Variants in DNAJB5 observed in about 807,000 individuals in gnomAD.
DNAJB5 encodes dnaJ homolog subfamily B member 5.
In DNAJB5, 12 loss-of-function variants were observed where a neutral mutation model predicts 32.6. That is an observed-to-expected ratio of 0.37 (90% CI 0.24 to 0.60). The LOEUF (loss-of-function observed/expected upper bound fraction) is 0.60, where lower values mean the gene tolerates loss of function less well. Among genes scored for constraint, DNAJB5 ranks in the 20% least tolerant of loss-of-function variants. The pLI is 0.71. For missense variants in DNAJB5, 358 were observed against 554.2 expected, an observed-to-expected ratio of 0.65 and a Z score of 3.55; for synonymous variants, 188 against 212.9, an observed-to-expected ratio of 0.88 and a Z score of 1.02.
In DNAJB5 at chr9:34,990,866, G is replaced by A; in HGVS notation, c.182+54G>A. 2 of 1,498,600 alleles carry A rather than the reference G, an allele frequency of 1.3e-6. No homozygotes were observed. The highest frequency in any genetic ancestry group is 1.8e-6 in the Non-Finnish European group (2 of 1,119,678). 92.8% of individuals were successfully genotyped at this position (1,498,600 alleles called of 1,614,324 possible). A position where few individuals can be genotyped will look rare whatever the true frequency, so the allele number is the denominator to read the frequency against. On this transcript the variant is annotated intron_variant, in intron 2 of 4. Coordinates refer to ENST00000682809, the MANE Select transcript of DNAJB5 (RefSeq NM_001349723.3). This position sits in a 1 kb window ranked among gnomAD's most constrained non-coding sequence, Gnocchi z 4.5. ...ACCCATACCCAGTCAAACCCTCCAC[G>A]CGGCCATCCCCTCCATTGCCTTCCT...
Position 34,997,212 on chromosome 9 carries a change from A to C in DNAJB5, c.1216A>C (p.Thr406Pro), listed in dbSNP as rs143047567. The change falls in exon 5 of 5, where the codon ACA becomes CCA. Residue 406 changes from threonine to proline, a missense_variant. Physicochemically the swap from Thr to Pro is conservative, Grantham distance 38 (BLOSUM62 -1). This residue lies in a region of DNAJB5 where 248 missense variants were observed against 442.6 expected (regional missense o/e 0.56). Coordinates refer to ENST00000682809, the MANE Select transcript of DNAJB5 (RefSeq NM_001349723.3). The surrounding 1 kb of genome is among the most constrained non-coding windows in gnomAD (Gnocchi z 4.1). The part of the protein sequence containing the change: ...EFKVRFPDRL[T>P]PQTRQILKQH... ...CAAAGTTCGCTTCCCAGACAGATTA[A>C]CACCACAGACAAGACAGATCCTTAA... The C allele has an allele frequency of 8.2e-5, 133 of 1,614,008 alleles. No individual in the cohort carries two copies. Among genetic ancestry groups the C allele is most frequent in the Non-Finnish European group, 1.0e-4 (121 of 1,180,048 alleles).
chr9:34,990,592 C>T lies in DNAJB5; in HGVS notation c.-39C>T, dbSNP rs1286731029. ...CCAGAGCTGCAGCACTTCAGGCCGG[C>T]TCCGGTGGAGCGATCAGAGGTGAGG... is the stretch of plus-strand genomic sequence containing the variant. On this transcript the variant is annotated 5_prime_UTR_variant, in exon 2 of 5. Coordinates refer to ENST00000682809, the MANE Select transcript of DNAJB5 (RefSeq NM_001349723.3). The surrounding 1 kb of genome is among the most constrained non-coding windows in gnomAD (Gnocchi z 4.5). 1.3e-6 allele frequency: 2 copies of T among 1,551,450 alleles called. No homozygotes were observed. Among genetic ancestry groups the T allele is most frequent in the East Asian group, 2.4e-5 (1 of 40,920 alleles).
chr9:34,990,320 C>G lies in DNAJB5; in HGVS notation c.-132-179C>G, dbSNP rs775449089. On this transcript the variant is annotated intron_variant, in intron 1 of 4. Transcript: ENST00000682809. The surrounding 1 kb of genome is among the most constrained non-coding windows in gnomAD (Gnocchi z 4.5). ...GAGGCGACAGGAGCTCACTGCCTCT[C>G]GGGCCCTCACAATCACACCTGTCAC... is the stretch of plus-strand genomic sequence containing the variant. 6.9e-7 allele frequency: 1 copy of G among 1,449,834 alleles called. No individual in the cohort carries two copies. The highest frequency in any genetic ancestry group is 1.2e-5 in the South Asian group (1 of 82,076). 89.8% of individuals were successfully genotyped at this position (1,449,834 alleles called of 1,614,324 possible). A position where few individuals can be genotyped will look rare whatever the true frequency, so the allele number is the denominator to read the frequency against.
In DNAJB5 at chr9:34,990,709, C is replaced by T. The variant is rs1827603676; in HGVS notation, c.79C>T (p.Pro27Ser). ...LQARGAFRSFPHSWGEDFLAS... is the reference protein window; with the variant it reads ...LQARGAFRSFSHSWGEDFLAS... ...GGCCCGAGGAGCTTTCCGGAGCTTC[C>T]CACACTCCTGGGGAGAAGACTTCTT... The change falls in exon 2 of 5, where the codon CCA (proline) becomes TCA (serine). Residue 27 changes from proline (P) to serine (S), a missense_variant. Coordinates refer to ENST00000682809, the MANE Select transcript of DNAJB5 (RefSeq NM_001349723.3). This position sits in a 1 kb window ranked among gnomAD's most constrained non-coding sequence, Gnocchi z 4.5. 3.9e-6 allele frequency: 6 copies of T among 1,551,724 alleles called. No homozygotes were observed. Among genetic ancestry groups the T allele is most frequent in the Non-Finnish European group, 5.2e-6 (6 of 1,146,996 alleles).
At chr9:34,991,678 C>CT (rs938922578) in intron 2 of DNAJB5, 1 of 262,732 alleles carries the variant, frequency 3.8e-6, no homozygotes, top group African/African-American at 2.5e-5. Flanking sequence ...GCCCCCCCCC[C>CT]CAACGAGGTG....
At position 34,990,367 on chromosome 9, in the gene DNAJB5, C is replaced by T. The variant is rs753949471; in HGVS notation, c.-132-132C>T. 37 of 1,508,762 alleles carry T rather than the reference C, an allele frequency of 2.5e-5. No individual in the cohort carries two copies. In the African/African-American group the frequency reaches 4.0e-4, roughly 16 times the overall value. 93.5% of individuals were successfully genotyped at this position (1,508,762 alleles called of 1,614,324 possible). ...TCACAGGTATACACGCTGCCACTCA[C>T]AAACACACGCTTGCACTCCCAGCCT... is the stretch of plus-strand genomic sequence containing the variant. On this transcript the variant is annotated intron_variant, in intron 1 of 4. Coordinates refer to ENST00000682809, the MANE Select transcript of DNAJB5 (RefSeq NM_001349723.3). The surrounding 1 kb of genome is among the most constrained non-coding windows in gnomAD (Gnocchi z 4.5).
chr9:34,996,405 A>C lies in DNAJB5; in HGVS notation c.568A>C (p.Thr190Pro), dbSNP rs1399138141. The change falls in exon 4 of 5, where the codon ACT becomes CCT. Residue 190 changes from threonine (T) to proline (P), a missense_variant. Coordinates refer to ENST00000682809, the MANE Select transcript of DNAJB5 (RefSeq NM_001349723.3). This position sits in a 1 kb window ranked among gnomAD's most constrained non-coding sequence, Gnocchi z 7.2. ...FDIFFASSRS[T>P]RPFSGFDPDD... is the part of the protein sequence containing the mutation. ...TATCTTCTTTGCCAGCAGCCGCTCC[A>C]CTCGGCCCTTCAGTGGCTTTGACCC... 6.2e-7 allele frequency: 1 copy of C among 1,613,950 alleles called. No homozygotes were observed. Among genetic ancestry groups the C allele is most frequent in the Non-Finnish European group, 8.5e-7 (1 of 1,179,980 alleles).
rs1325761527 is a variant in DNAJB5 at position 34,997,633 on chromosome 9, C to A, written c.*374C>A. On this transcript the variant is annotated 3_prime_UTR_variant, in exon 5 of 5. Transcript: ENST00000682809. This position sits in a 1 kb window ranked among gnomAD's most constrained non-coding sequence, Gnocchi z 4.1. ...TCAGCTTTGCTAATACCAGTCCCCT[C>A]CCTTCCCTTTGGCTTCCTGCTGTTG... 1.6e-5 allele frequency: 6 copies of A among 369,540 alleles called. No individual in the cohort carries two copies. Among genetic ancestry groups the A allele is most frequent in the Non-Finnish European group, 2.6e-5 (5 of 190,796 alleles). The allele number at this position is 369,540 out of a possible 1,614,324, so 22.9% of individuals were successfully genotyped here. A position where few individuals can be genotyped will look rare whatever the true frequency, so the allele number is the denominator to read the frequency against.
intron 2 of DNAJB5, chr9:34,992,976 A>G (rs1214580923): frequency 7.2e-7 from 1 of 1,379,822 alleles, no homozygotes; most frequent in Non-Finnish European, 9.4e-7. Context: ...CCTGCTGGGA[A>G]AACCCAGGAG....
rs546017812 is a variant in DNAJB5, at chr9:34,991,457, G to T, written c.182+645G>T. 443 of 455,038 alleles carry T rather than the reference G, an allele frequency of 9.7e-4. 1 individual carries two copies. The highest frequency in any genetic ancestry group is 1.7e-3 in the Non-Finnish European group (379 of 226,704). The allele number at this position is 455,038 out of a possible 1,614,324, so 28.2% of individuals were successfully genotyped here. A position where few individuals can be genotyped will look rare whatever the true frequency, so the allele number is the denominator to read the frequency against. On this transcript the variant is annotated intron_variant, in intron 2 of 4. Coordinates refer to ENST00000682809, the MANE Select transcript of DNAJB5 (RefSeq NM_001349723.3). ...GAAGCTGGCCGGGTGTGGAGGTAAT[G>T]CAGGGACACCAAAAGGAGGTGGGTG...
At chr9:34,995,917 A>G (rs1827778040) in intron 3 of DNAJB5, among the ~76,000 whole-genome samples, 1 of 152,240 alleles carries the variant, frequency 6.6e-6, no homozygotes, top group Admixed American at 6.5e-5. Context: ...ATGTGACACC[A>G]GGCTAGTCAT....
chr9:34,997,747 C>G lies in DNAJB5; in HGVS notation c.*488C>G, dbSNP rs1422770429. On this transcript the variant is annotated 3_prime_UTR_variant, in exon 5 of 5. Transcript: ENST00000682809. This position sits in a 1 kb window ranked among gnomAD's most constrained non-coding sequence, Gnocchi z 4.1. Reference sequence around the variant, plus strand: ...AGGTAATGGCACACATATTCATGCACAAGAAGCACTCACCTAGAGCTGTCT... The same window carrying G: ...AGGTAATGGCACACATATTCATGCAGAAGAAGCACTCACCTAGAGCTGTCT... 3.5e-6 allele frequency: 1 copy of G among 288,790 alleles called. No homozygotes were observed. The highest frequency in any genetic ancestry group is 2.2e-5 in the African/African-American group (1 of 45,784). The allele number at this position is 288,790 out of a possible 1,614,324, so 17.9% of individuals were successfully genotyped here. A position where few individuals can be genotyped will look rare whatever the true frequency, so the allele number is the denominator to read the frequency against.
chr9:34,991,620 C>A (rs1012058580), intron 2 of DNAJB5: 19 of 212,516 alleles, frequency 8.9e-5, no homozygotes, highest in African/African-American at 4.0e-4. Context: ...AGACCACCCC[C>A]CCCCGCTCCC....
Position 34,990,658 on chromosome 9 carries a change from C to CCACCCCCAGCAG in DNAJB5, c.37_48dup (p.Ala13_Pro16dup). ...GTTTAAGCGCACAGTGCTCTCCTGC[C>CCACCCCCAGCAG]CACCCCCAGCAGCACCCCCACTGCA... On this transcript the variant is annotated inframe_insertion, in exon 2 of 5. Transcript: ENST00000682809. The surrounding 1 kb of genome is among the most constrained non-coding windows in gnomAD (Gnocchi z 4.5). The CCACCCCCAGCAG allele has an allele frequency of 6.4e-7, 1 of 1,551,644 alleles. No individual in the cohort carries two copies. The highest frequency in any genetic ancestry group is 8.7e-7 in the Non-Finnish European group (1 of 1,146,976).
Position 34,990,223 on chromosome 9 carries a change from G to A in DNAJB5, c.-132-276G>A, listed in dbSNP as rs1384776775. ...GCTCCGCTCTGCCCCGCCCATCTGCGAGGGAGGAGACTCCCGTCAGTGACT... is the reference window on the plus strand; with the variant it reads ...GCTCCGCTCTGCCCCGCCCATCTGCAAGGGAGGAGACTCCCGTCAGTGACT... On this transcript the variant is annotated intron_variant, in intron 1 of 4. Transcript: ENST00000682809. The surrounding 1 kb of genome is among the most constrained non-coding windows in gnomAD (Gnocchi z 4.5). 1 of 1,304,576 alleles carries A rather than the reference G, an allele frequency of 7.7e-7. No homozygotes were observed. Among genetic ancestry groups the A allele is most frequent in the East Asian group, 3.9e-5 (1 of 25,624 alleles). 80.8% of individuals were successfully genotyped at this position (1,304,576 alleles called of 1,614,324 possible). A position where few individuals can be genotyped will look rare whatever the true frequency, so the allele number is the denominator to read the frequency against.
chr9:34,990,492 G>A lies in DNAJB5; in HGVS notation c.-132-7G>A. 1.3e-6 allele frequency: 2 copies of A among 1,537,576 alleles called. No homozygotes were observed. The highest frequency in any genetic ancestry group is 2.4e-5 in the South Asian group (2 of 83,282). Reference sequence around the variant, plus strand: ...TTCTCCCTTCACTCTCCACATTTGGGGATCAGGTCCGGCACCTGCTGCGCC... The same window carrying A: ...TTCTCCCTTCACTCTCCACATTTGGAGATCAGGTCCGGCACCTGCTGCGCC... On this transcript the variant is annotated splice_region_variant and splice_polypyrimidine_tract_variant and intron_variant, in intron 1 of 4. Transcript: ENST00000682809. The surrounding 1 kb of genome is among the most constrained non-coding windows in gnomAD (Gnocchi z 4.5).
Position 34,989,845 on chromosome 9 carries a change from G to A in DNAJB5, c.-133+14G>A. The A allele has an allele frequency of 8.1e-7, 1 of 1,236,076 alleles. No individual in the cohort carries two copies. Among genetic ancestry groups the A allele is most frequent in the Non-Finnish European group, 1.0e-6 (1 of 990,348 alleles). 76.6% of individuals were successfully genotyped at this position (1,236,076 alleles called of 1,614,324 possible). ...AGCTCCTCACCGGTGAGGGCGCCAA[G>A]CCAGGACTCGGGGGTCCCGGGAGCG... On this transcript the variant is annotated intron_variant, in intron 1 of 4. Transcript: ENST00000682809.
intron 2 of DNAJB5, chr9:34,991,505 C>G: frequency 4.4e-6 from 2 of 450,694 alleles, no homozygotes; most frequent in Non-Finnish European, 8.9e-6. Context: ...TTCCACTGGC[C>G]CTCTGCCTGG....
intron 2 of DNAJB5, chr9:34,992,979 C>G: frequency 1.4e-6 from 2 of 1,384,084 alleles, no homozygotes; most frequent in South Asian, 3.2e-5. Flanking sequence ...GCTGGGAAAA[C>G]CCAGGAGGTG....
Sources: allele counts gnomAD v4.1 joint callset (sites outside exome capture counted in the v4.1 genomes callset), GRCh38; gene constraint gnomAD v4.1.1; regional missense constraint gnomAD v4.1.1; non-coding constraint Gnocchi (gnomAD v3.1); transcripts MANE v1.5; gene names NCBI Gene and HGNC (gene_info 2026-07-23, HGNC 2026-07-21).